The following ABLIM3 variants were observed in gnomAD, a reference collection of about 807,000 sequenced individuals.
ABLIM3 encodes actin-binding LIM protein 3.
Under a neutral mutation model 109.5 loss-of-function variants are expected in ABLIM3, and 61 were observed. The observed-to-expected ratio is 0.56, with a 90% CI of 0.45 to 0.69. The LOEUF is 0.69. Among genes scored for constraint, ABLIM3 ranks in the 30% least tolerant of loss-of-function variants. The pLI is 0.00. For missense variants in ABLIM3, 796 were observed against 889.5 expected (o/e 0.89, Z 1.34); for synonymous variants, 300 against 324.8 (o/e 0.92, Z 0.82).
intron 7 of ABLIM3, among the ~76,000 whole-genome samples, chr5:149,215,366 G>A (rs775236070): frequency 6.6e-6 from 1 of 152,022 alleles, no homozygotes; most frequent in African/African-American, 2.4e-5. Context: ...TCATTGGTGC[G>A]AGGCCATATA....
At chr5:149,242,733 A>C (rs188963880) in intron 15 of ABLIM3, 195 bp downstream of exon 15, 129 of 627,078 alleles carry the variant, frequency 2.1e-4, no homozygotes, top group Middle Eastern at 1.8e-3. Context: ...CAAAGTCCTC[A>C]TGTCCCCTCA....
intron 2 of ABLIM3, among the ~76,000 whole-genome samples, chr5:149,170,544 G>A (rs1368522532): frequency 6.6e-6 from 1 of 152,166 alleles, no homozygotes; most frequent in Non-Finnish European, 1.5e-5. Context: ...ACAGGAAAGA[G>A]GTTCTATTGC....
chr5:149,232,388 A>G (rs1427577393), intron 9 of ABLIM3, among the ~76,000 whole-genome samples: 8 of 152,312 alleles, frequency 5.3e-5, no homozygotes, highest in Non-Finnish European at 5.9e-5. Context: ...GGCCTCCTTG[A>G]TCTATCAAGG....
At chr5:149,224,634 C>A (rs1300837372) in intron 8 of ABLIM3, among the ~76,000 whole-genome samples, 1 of 152,206 alleles carries the variant, frequency 6.6e-6, no homozygotes, top group East Asian at 1.9e-4. Context: ...CCTTTTACTG[C>A]TCTCCCCTTA....
intron 17 of ABLIM3, 117 bp downstream of exon 17, chr5:149,246,663 C>T (rs1295682575): frequency 1.9e-6 from 2 of 1,059,566 alleles, no homozygotes; most frequent in Admixed American, 3.2e-5. Context: ...AAAAGAAAAG[C>T]ATAGCTTTGC....
intron 9 of ABLIM3, 139 bp from the exon 10 acceptor site, chr5:149,233,090 G>A: frequency 1.3e-6 from 1 of 745,722 alleles, no homozygotes; most frequent in East Asian, 2.6e-5. Flanking sequence ...GAAAGACAGA[G>A]AATAAAAAGG....
rs561548831 is a variant in ABLIM3, at chr5:149,208,428, G to A, written c.575+1294G>A. 2.0e-4 allele frequency among the ~76,000 whole-genome samples: 25 copies of A among 127,496 alleles called. 2 individuals carry two copies. The South Asian group carries it at 2.4e-3, about 12-fold the overall frequency. The allele number at this position is 127,496 out of a possible 152,430, so 83.6% of individuals were successfully genotyped here. ...TCTCTGTCTCTCTTTCTCTCTCTCT[G>A]TCTCTCTCTGTCTCTGTCCCTGTCT... On this transcript the variant is annotated intron_variant, in intron 6 of 23. Coordinates refer to ENST00000309868, the MANE Select transcript of ABLIM3 (RefSeq NM_014945.5).
chr5:149,245,748 C>A (rs1274399428), intron 16 of ABLIM3, among the ~76,000 whole-genome samples: 1 of 152,110 alleles, frequency 6.6e-6, no homozygotes, highest in Non-Finnish European at 1.5e-5. Flanking sequence ...CCCAATCATA[C>A]AACCCAAGCT....
chr5:149,233,892 A>G (rs1308095007), intron 10 of ABLIM3, among the ~76,000 whole-genome samples: 1 of 152,192 alleles, frequency 6.6e-6, no homozygotes. Context: ...GAGACTCATC[A>G]TTTGCCAGGG....
chr5:149,217,669 G>A (rs1284277582), intron 8 of ABLIM3: 1 of 152,590 alleles, frequency 6.6e-6, no homozygotes. Context: ...ACCATCCCAG[G>A]GCATCACGTG....
At chr5:149,236,467 G>T (rs1344474295) in intron 10 of ABLIM3, among the ~76,000 whole-genome samples, 1 of 152,010 alleles carries the variant, frequency 6.6e-6, no homozygotes, top group African/African-American at 2.4e-5. Flanking sequence ...ACAGATCCTG[G>T]TTGATCATAG....
At position 149,259,763 on chromosome 5, in the gene ABLIM3, C is replaced by A. The variant is rs1046442; in HGVS notation, c.*1359C>A. 3.1e-6 allele frequency: 2 copies of A among 646,178 alleles called. No homozygotes were observed. The highest frequency in any genetic ancestry group is 5.3e-6 in the Non-Finnish European group (2 of 377,244). The allele number at this position is 646,178 out of a possible 1,614,324, so 40.0% of individuals were successfully genotyped here. ...CTTCTTGGAGAAGCCTTGAGTCGGA[C>A]CATTTTGAGATCATGGAGGAAGGAT... is the stretch of plus-strand genomic sequence containing the variant. On this transcript the variant is annotated 3_prime_UTR_variant, in exon 24 of 24. Coordinates refer to ENST00000309868, the MANE Select transcript of ABLIM3 (RefSeq NM_014945.5).
At chr5:149,219,104 C>G (rs980868522) in intron 8 of ABLIM3, 29 of 152,470 alleles carry the variant, frequency 1.9e-4, no homozygotes, top group African/African-American at 7.0e-4. Flanking sequence ...AATGAGTCCC[C>G]CTGTGCCTAC....
intron 15 of ABLIM3, 167 bp from the exon 16 acceptor site, chr5:149,244,714 A>G (rs1019227637): frequency 5.0e-6 from 4 of 807,440 alleles, no homozygotes; most frequent in Non-Finnish European, 6.0e-6. Flanking sequence ...GTTTGGCCCC[A>G]GTGCTTTTCC....
chr5:149,202,407 G>A (rs535260720), intron 5 of ABLIM3, among the ~76,000 whole-genome samples: 33 of 152,268 alleles, frequency 2.2e-4, no homozygotes, highest in African/African-American at 7.7e-4. Context: ...ACATCAATCC[G>A]TGATTGATCA....
At chr5:149,190,155 C>T (rs1030966363) in intron 3 of ABLIM3, among the ~76,000 whole-genome samples, 1 of 152,022 alleles carries the variant, frequency 6.6e-6, no homozygotes, top group Non-Finnish European at 1.5e-5. Flanking sequence ...TCAAAACAGG[C>T]ATATTATATA....
chr5:149,196,411 T>C (rs1157899722), intron 3 of ABLIM3, among the ~76,000 whole-genome samples: 1 of 152,240 alleles, frequency 6.6e-6, no homozygotes, highest in African/African-American at 2.4e-5. Context: ...GGTTTTCCCA[T>C]CATTGATCAC....
chr5:149,245,782 A>G (rs550708546), intron 16 of ABLIM3, among the ~76,000 whole-genome samples: 5 of 151,998 alleles, frequency 3.3e-5, no homozygotes, highest in Non-Finnish European at 5.9e-5. Flanking sequence ...ATGGGGGGAA[A>G]TTTTTCCCCC....
intron 18 of ABLIM3, among the ~76,000 whole-genome samples, chr5:149,248,715 G>T (rs1230976069): frequency 1.5e-5 from 2 of 134,862 alleles, no homozygotes; most frequent in South Asian, 2.4e-4. Context: ...AAAAAAGAAC[G>T]ATGTCTTATA....
Sources: allele counts gnomAD v4.1 joint callset (sites outside exome capture counted in the v4.1 genomes callset), GRCh38; gene constraint gnomAD v4.1.1; transcripts MANE v1.5; gene names NCBI Gene and HGNC (gene_info 2026-07-23, HGNC 2026-07-21).